Variants in MCM7 observed in about 807,000 individuals in gnomAD.
MCM7 encodes the protein DNA replication licensing factor MCM7.
A neutral mutation model predicts 83.5 loss-of-function variants in MCM7; 95 were observed. That is an observed-to-expected ratio of 1.14 (90% CI 0.96 to 1.35). MCM7 has a LOEUF of 1.35. Ranked by LOEUF, MCM7 falls within the 40% of genes most tolerant of loss-of-function variation. The pLI, the probability that MCM7 is intolerant of heterozygous loss-of-function variation, is 0.00. For synonymous variants in MCM7, 461 were observed against 352.7 expected (o/e 1.31, Z -3.44); for missense variants, 1,087 against 957.4 (o/e 1.14, Z -1.79).
intron 5 of MCM7, 57 bp from the exon 6 acceptor site, chr7:100,098,772 G>A (rs1751512971): frequency 1.9e-6 from 3 of 1,600,188 alleles, no homozygotes; most frequent in Admixed American, 1.7e-5. Flanking sequence ...GCCCCATTGG[G>A]TCGGTCCTTT....
chr7:100,097,403 G>C lies in MCM7; in HGVS notation c.1118-19C>G. ...ATGTTGCCTGGAGGAAGGGAAGGCA[G>C]CCCTGGAATGACTCTTCTCCCAGTG... On this transcript the variant is annotated intron_variant, in intron 9 of 14. Coordinates refer to ENST00000303887, the MANE Select transcript of MCM7 (RefSeq NM_005916.5). 6.2e-7 allele frequency: 1 copy of C among 1,611,972 alleles called. No individual in the cohort carries two copies. The highest frequency in any genetic ancestry group is 8.5e-7 in the Non-Finnish European group (1 of 1,178,018).
rs763174911 is a variant in MCM7 at position 100,097,371 on chromosome 7, G to A, written c.1131C>T (p.Ile377=). The A allele has an allele frequency of 5.0e-6, 8 of 1,614,176 alleles. No homozygotes were observed. Among genetic ancestry groups the A allele is most frequent in the South Asian group, 3.3e-5 (3 of 91,082 alleles). Reference sequence around the variant, plus strand: ...CCACACCAGGATCCCCCATCAGACAGATGTTGATGTTGCCTGGAGGAAGGG... The same window carrying A: ...CCACACCAGGATCCCCCATCAGACAAATGTTGATGTTGCCTGGAGGAAGGG... ...RGMKIRGNIN[I]CLMGDPGVAK... The change falls in exon 10 of 15, where the codon ATC becomes ATT. Residue 377 remains isoleucine (I), a synonymous_variant. Coordinates refer to ENST00000303887, the MANE Select transcript of MCM7 (RefSeq NM_005916.5).
In MCM7 at chr7:100,095,790, G is replaced by T. The variant is rs76705400; in HGVS notation, c.1579C>A (p.Arg527=). 867 of 1,585,912 alleles carry T rather than the reference G, an allele frequency of 5.5e-4. 9 individuals are homozygous for T. The African/African-American group carries it at 0.01, about 19-fold the overall frequency. The stretch of plus-strand genomic sequence containing the variant: ...TTCATTCACCGTAGGTCATTGTCTC[G>T]GTCGGGCCGGTCCTGAATCAGCCAG... The part of the protein sequence containing the change: ...LLWLIQDRPD[R]DNDLRLAQHI... The change falls in exon 11 of 15, where the codon CGA becomes AGA. Residue 527 remains arginine (R), a synonymous_variant. Transcript: ENST00000303887.
chr7:100,098,571 A>G lies in MCM7; in HGVS notation c.720+7T>C. On this transcript the variant is annotated splice_region_variant and intron_variant, in intron 6 of 14. Coordinates refer to ENST00000303887, the MANE Select transcript of MCM7 (RefSeq NM_005916.5). ...CACCTGCCCAGGGCCACGTACCCCAAACTCACATGTTCTTGCATCTTCATC... is the reference window on the plus strand; with the variant it reads ...CACCTGCCCAGGGCCACGTACCCCAGACTCACATGTTCTTGCATCTTCATC... 6.2e-7 allele frequency: 1 copy of G among 1,614,100 alleles called. No homozygotes were observed. The highest frequency in any genetic ancestry group is 1.3e-5 in the African/African-American group (1 of 75,038).
chr7:100,093,423 A>C, intron 13 of MCM7, 22 bp from the exon 14 acceptor site: 1 of 1,608,196 alleles, frequency 6.2e-7, no homozygotes, highest in Non-Finnish European at 8.5e-7. Context: ...GTAGGGGGGA[A>C]AGATGGGAAC....
intron 6 of MCM7, 118 bp from the exon 7 acceptor site, chr7:100,098,408 G>A (rs1317399794): frequency 8.1e-6 from 12 of 1,483,480 alleles, no homozygotes; most frequent in South Asian, 1.3e-5. Context: ...CCCACAGCAG[G>A]GGTGCTGAGA....
chr7:100,099,604 C>G lies in MCM7; in HGVS notation c.261G>C (p.Gln87His), dbSNP rs760244695. 1 of 1,614,000 alleles carries G rather than the reference C, an allele frequency of 6.2e-7. No individual in the cohort carries two copies. Among genetic ancestry groups the G allele is most frequent in the Admixed American group, 1.7e-5 (1 of 60,010 alleles). The change falls in exon 3 of 15, where the codon CAG becomes CAC. Residue 87 changes from glutamine to histidine, a missense_variant. By Grantham distance (24) the Gln-to-His change is conservative. Coordinates refer to ENST00000303887, the MANE Select transcript of MCM7 (RefSeq NM_005916.5). ...FADAVQELLP[Q>H]YKEREVVNKD... is the part of the protein sequence containing the mutation. ...AACCACTCACTTCCCTCTCCTTGTA[C>G]TGAGGCAGCAGCTCTTGTACGGCAT... is the stretch of plus-strand genomic sequence containing the variant.
Position 100,101,055 on chromosome 7 carries a change from G to A in MCM7, c.31+209C>T, listed in dbSNP as rs545910429. ...ACGACCCTAACACCTTTACCAGGTGGGATTACTAGCTTTTCTTCAACATCG... is the reference window on the plus strand; with the variant it reads ...ACGACCCTAACACCTTTACCAGGTGAGATTACTAGCTTTTCTTCAACATCG... On this transcript the variant is annotated intron_variant, in intron 1 of 14. Coordinates refer to ENST00000303887, the MANE Select transcript of MCM7 (RefSeq NM_005916.5). The A allele has an allele frequency of 2.0e-5, 14 of 717,196 alleles. No individual in the cohort carries two copies. In the South Asian group the frequency reaches 2.6e-4, roughly 13 times the overall value. 44.4% of individuals were successfully genotyped at this position (717,196 alleles called of 1,614,324 possible). A position where few individuals can be genotyped will look rare whatever the true frequency, so the allele number is the denominator to read the frequency against.
chr7:100,093,488 T>C (rs1584483493), intron 13 of MCM7, 87 bp from the exon 14 acceptor site: 1 of 1,252,414 alleles, frequency 8.0e-7, no homozygotes, highest in Non-Finnish European at 1.2e-6. Context: ...GCTTTAAGGC[T>C]GGGCAGCCCA....
At chr7:100,100,172 C>T (rs1795893515) in intron 1 of MCM7, 79 bp from the exon 2 acceptor site, 2 of 1,552,374 alleles carry the variant, frequency 1.3e-6, no homozygotes, top group Non-Finnish European at 1.7e-6. Flanking sequence ...AAAACACGAC[C>T]TATGAACTAA....
intron 1 of MCM7, chr7:100,100,323 A>G: frequency 8.1e-7 from 1 of 1,230,384 alleles, no homozygotes; most frequent in East Asian, 4.2e-5. Flanking sequence ...CCCCAGGGGA[A>G]TTCCGGTCCC....
intron 14 of MCM7, 56 bp from the exon 15 acceptor site, chr7:100,093,189 C>G: frequency 1.9e-6 from 3 of 1,600,432 alleles, no homozygotes; most frequent in African/African-American, 2.7e-5. Context: ...TGCTCGACAT[C>G]AACAGAGAAC....
chr7:100,097,843 G>T lies in MCM7; in HGVS notation c.976C>A (p.Gln326Lys). 1 of 1,614,094 alleles carries T rather than the reference G, an allele frequency of 6.2e-7. No homozygotes were observed. ...AGELTREELR[Q>K]IAEEDFYEKL... ...CTCCCCTGCCCCTCACCTGCAATTTGCCTCAGCTCCTCCCTGGTGAGCTCT... is the reference window on the plus strand; with the variant it reads ...CTCCCCTGCCCCTCACCTGCAATTTTCCTCAGCTCCTCCCTGGTGAGCTCT... The change falls in exon 8 of 15, where the codon CAA becomes AAA. Residue 326 changes from glutamine (Q) to lysine (K), a missense_variant. Gln to Lys is a moderately conservative substitution (Grantham distance 53). Transcript: ENST00000303887.
intron 1 of MCM7, 96 bp from the exon 2 acceptor site, chr7:100,100,189 A>G: frequency 1.3e-6 from 2 of 1,506,154 alleles, no homozygotes; most frequent in African/African-American, 2.8e-5. Context: ...CTAATTAATA[A>G]TATGAGCATT....
intron 13 of MCM7, 77 bp from the exon 14 acceptor site, chr7:100,093,478 G>T: frequency 7.4e-7 from 1 of 1,355,070 alleles, no homozygotes; most frequent in Non-Finnish European, 1.1e-6. Flanking sequence ...CCTTGTTCTG[G>T]CTTTAAGGCT....
intron 10 of MCM7, 126 bp downstream of exon 10, chr7:100,097,175 C>T: frequency 1.3e-6 from 1 of 799,852 alleles, no homozygotes; most frequent in Non-Finnish European, 2.0e-6. Flanking sequence ...TCAAATGATT[C>T]TCCTGCCTCA....
chr7:100,098,302 A>C lies in MCM7; in HGVS notation c.721-12T>G. ...GGCACCTGATCACTCTAGGGGAGGGAAAGGCACATAAGACTAGGAGAAATG... is the reference window on the plus strand; with the variant it reads ...GGCACCTGATCACTCTAGGGGAGGGCAAGGCACATAAGACTAGGAGAAATG... On this transcript the variant is annotated splice_polypyrimidine_tract_variant and intron_variant, in intron 6 of 14. Coordinates refer to ENST00000303887, the MANE Select transcript of MCM7 (RefSeq NM_005916.5). The C allele has an allele frequency of 1.2e-6, 2 of 1,613,346 alleles. No homozygotes were observed. The highest frequency in any genetic ancestry group is 1.7e-6 in the Non-Finnish European group (2 of 1,179,650).
rs1450811358 is a variant in MCM7, at chr7:100,099,586, C to T, written c.276+3G>A. The T allele has an allele frequency of 6.2e-7, 1 of 1,613,508 alleles. No homozygotes were observed. Among genetic ancestry groups the T allele is most frequent in the Non-Finnish European group, 8.5e-7 (1 of 1,179,886 alleles). ...TGTTTGCCATTGTTCTCTAACCACTCACTTCCCTCTCCTTGTACTGAGGCA... is the reference window on the plus strand; with the variant it reads ...TGTTTGCCATTGTTCTCTAACCACTTACTTCCCTCTCCTTGTACTGAGGCA... On this transcript the variant is annotated splice_donor_region_variant and intron_variant, in intron 3 of 14. Transcript: ENST00000303887.
chr7:100,093,742 A>G (rs1360102251), intron 13 of MCM7: 4 of 631,238 alleles, frequency 6.3e-6, no homozygotes, highest in Non-Finnish European at 1.2e-5. Context: ...CTCAGCCAAG[A>G]AGACAATTGG....
Sources: gnomAD v4.1 joint callset for allele counts on GRCh38, gnomAD v4.1.1 for gene constraint, MANE v1.5 for transcripts, NCBI Gene and HGNC (gene_info 2026-07-23, HGNC 2026-07-21) for gene names.